Variants in ZNF469 observed in about 807,000 individuals in gnomAD.
ZNF469 encodes the protein zinc finger protein 469.
ZNF469 carries 1 observed loss-of-function variant against 1.0 expected under a neutral mutation model. The ratio of observed to expected loss-of-function variants is 1.00; its 90% CI spans 0.35 to 4.73. The LOEUF is 4.73. Ranked by LOEUF, ZNF469 falls within the 30% of genes most tolerant of loss-of-function variation. The probability of loss-of-function intolerance (pLI) is 0.16; values close to 1 mark genes in which losing one functional copy is unlikely to be tolerated. For missense variants in ZNF469, 6,100 were observed against 5,356.3 expected, an observed-to-expected ratio of 1.14 and a Z score of -4.33; for synonymous variants, 2,703 against 2,363.4, an observed-to-expected ratio of 1.14 and a Z score of -4.17.
chr16:88,314,550 G>C, the ZNF469 span, among the ~76,000 whole-genome samples: 65 of 142,732 alleles, frequency 4.6e-4, no homozygotes, highest in Middle Eastern at 4.0e-3. Context: ...GATGATGCTG[G>C]TGTGGACTGT....
chr16:88,258,862 A>G, the ZNF469 span, among the ~76,000 whole-genome samples: 1 of 152,230 alleles, frequency 6.6e-6, no homozygotes, highest in Admixed American at 6.5e-5. Flanking sequence ...ACACTCAAGG[A>G]ACCGAAGCTC....
At chr16:88,211,716 G>C in the ZNF469 span, among the ~76,000 whole-genome samples, 1 of 152,080 alleles carries the variant, frequency 6.6e-6, no homozygotes, top group African/African-American at 2.4e-5. Context: ...TCTTTTTCTG[G>C]ATTTTTCCTC....
intron 1 of ZNF469, among the ~76,000 whole-genome samples, chr16:88,409,863 G>GGT (rs1168378372): frequency 0.077 from 128 of 1,652 alleles, no homozygotes; most frequent in African/African-American, 0.1. Flanking sequence ...TGGCCATCTT[G>GGT]GCCGGGGGGG....
chr16:88,271,902 CAGAT>C, the ZNF469 span, among the ~76,000 whole-genome samples: 4 of 150,972 alleles, frequency 2.6e-5, no homozygotes, highest in African/African-American at 7.3e-5. Context: ...AGTGGATGGA[CAGAT>C]GGATGGATGG....
chr16:88,396,527 C>T lies in ZNF469; in HGVS notation c.-192+13273C>T, dbSNP rs141323768. Reference sequence around the variant, plus strand: ...GAAGGGAGGCCAGGCGGAGACCCGTCTGAAGGGAGGCCGGGAGGAGACCCT... The same window carrying T: ...GAAGGGAGGCCAGGCGGAGACCCGTTTGAAGGGAGGCCGGGAGGAGACCCT... On this transcript the variant is annotated intron_variant, in intron 1 of 2. Transcript: ENST00000565624. Among the ~76,000 whole-genome samples, 699 of 146,968 alleles carry T rather than the reference C, an allele frequency of 4.8e-3. 6 individuals carry two copies. Among genetic ancestry groups the T allele is most frequent in the African/African-American group, 0.017 (669 of 39,602 alleles).
At chr16:88,384,669 C>G (rs2092533398) in intron 1 of ZNF469, among the ~76,000 whole-genome samples, 1 of 152,148 alleles carries the variant, frequency 6.6e-6, no homozygotes. Flanking sequence ...CAAAGGGAAC[C>G]CAGGGGCCCC....
At chr16:88,138,352 T>C in the ZNF469 span, among the ~76,000 whole-genome samples, 1 of 152,150 alleles carries the variant, frequency 6.6e-6, no homozygotes, top group African/African-American at 2.4e-5. Context: ...CACACCAAAG[T>C]CTTGGCAGGG....
Position 88,439,385 on chromosome 16 carries a change from C to T in ZNF469, c.*53C>T. 6.5e-7 allele frequency: 1 copy of T among 1,540,692 alleles called. No individual in the cohort carries two copies. Among genetic ancestry groups the T allele is most frequent in the Non-Finnish European group, 8.8e-7 (1 of 1,139,036 alleles). ...AGCTGGGCGTTCCTGTCTCGGCCTG[C>T]CTCCTTGGCCAGCTCCGGCTCCCTG... On this transcript the variant is annotated 3_prime_UTR_variant, in exon 3 of 3. Transcript: ENST00000565624.
the ZNF469 span, among the ~76,000 whole-genome samples, chr16:88,353,535 T>G: frequency 6.6e-6 from 1 of 152,230 alleles, no homozygotes; most frequent in East Asian, 1.9e-4. Context: ...CGCCAGCCTC[T>G]CGCGGCTCAC....
rs996867352 is a variant in ZNF469 at position 88,434,554 on chromosome 16, T to C, written c.7084T>C (p.Ser2362Pro). The C allele has an allele frequency of 6.5e-6, 10 of 1,550,098 alleles. No individual in the cohort carries two copies. In the South Asian group the frequency reaches 1.1e-4, roughly 17 times the overall value. Reference protein sequence around the residue: ...PPTLQGAGPDSPACLEGEMGT... With the variant: ...PPTLQGAGPDPPACLEGEMGT... ...CACGCTACAGGGTGCAGGGCCGGAC[T>C]CCCCCGCCTGCCTGGAAGGTGAGAT... The change falls in exon 3 of 3, where the codon TCC becomes CCC. Residue 2362 changes from serine to proline, a missense_variant. Ser to Pro is a moderately conservative substitution (Grantham distance 74, BLOSUM62 -1). Coordinates refer to ENST00000565624, the MANE Select transcript of ZNF469 (RefSeq NM_001367624.2).
chr16:88,105,947 G>A, the ZNF469 span, among the ~76,000 whole-genome samples: 2 of 152,244 alleles, frequency 1.3e-5, no homozygotes, highest in African/African-American at 2.4e-5. Flanking sequence ...GGCCCAGGAG[G>A]CTCCATCATG....
chr16:88,143,302 C>T, the ZNF469 span, among the ~76,000 whole-genome samples: 3 of 152,366 alleles, frequency 2.0e-5, no homozygotes, highest in South Asian at 2.1e-4. Context: ...AATAGGTTAG[C>T]GTGCTTAACG....
the ZNF469 span, among the ~76,000 whole-genome samples, chr16:88,179,163 C>T: frequency 0.015 from 2,266 of 152,192 alleles, 55 homozygotes; most frequent in South Asian, 0.095. Flanking sequence ...GTGGTTTGGA[C>T]GTGTGTCCCC....
chr16:88,422,064 G>A (rs1278622276), intron 1 of ZNF469, among the ~76,000 whole-genome samples: 1 of 151,300 alleles, frequency 6.6e-6, no homozygotes, highest in Non-Finnish European at 1.5e-5. Context: ...TGAATGGGTA[G>A]AAGGGTGGAC....
the ZNF469 span, among the ~76,000 whole-genome samples, chr16:88,109,891 GC>G: frequency 6.6e-6 from 1 of 152,184 alleles, no homozygotes; most frequent in Non-Finnish European, 1.5e-5. Flanking sequence ...CTCACCTTTG[GC>G]CCCTGGGCAC....
At chr16:88,300,574 G>A in the ZNF469 span, among the ~76,000 whole-genome samples, 1 of 149,954 alleles carries the variant, frequency 6.7e-6, no homozygotes, top group Admixed American at 6.6e-5. Flanking sequence ...TCCATTTCTT[G>A]TATACAAAGG....
chr16:88,179,989 C>T, the ZNF469 span, among the ~76,000 whole-genome samples: 1 of 152,118 alleles, frequency 6.6e-6, no homozygotes, highest in African/African-American at 2.4e-5. Context: ...CTACTGCAAC[C>T]ATGAACAGCT....
upstream of ZNF469, among the ~76,000 whole-genome samples, chr16:88,380,181 A>AG (rs2092517252): frequency 2.1e-5 from 3 of 141,708 alleles, no homozygotes; most frequent in South Asian, 6.9e-4. Flanking sequence ...ACTCACACAC[A>AG]AATGCACTCA....
the ZNF469 span, among the ~76,000 whole-genome samples, chr16:88,114,729 G>A: frequency 0.02 from 3,042 of 152,290 alleles, 39 homozygotes; most frequent in African/African-American, 0.034. Context: ...CTGTGTGTGC[G>A]GTGAGTCGGC....
Sources: gnomAD v4.1 joint callset for allele counts (sites outside exome capture counted in the v4.1 genomes callset) on GRCh38, gnomAD v4.1.1 for gene constraint, MANE v1.5 for transcripts, NCBI Gene and HGNC (gene_info 2026-07-23, HGNC 2026-07-21) for gene names.